The following KCNH8 variants were observed in gnomAD, a reference collection of about 807,000 sequenced individuals.
The protein encoded by KCNH8 is voltage-gated delayed rectifier potassium channel KCNH8.
A neutral mutation model predicts 103.6 loss-of-function variants in KCNH8; 70 were observed. The observed-to-expected ratio is 0.68, with a 90% CI of 0.56 to 0.82. The LOEUF is 0.82. Ranked by LOEUF, KCNH8 falls within the 40% of genes least tolerant of loss-of-function variation. The pLI, the probability that KCNH8 is intolerant of heterozygous loss-of-function variation, is 0.00. For missense variants in KCNH8, 1,217 were observed against 1,329.9 expected, an observed-to-expected ratio of 0.92 and a Z score of 1.32; for synonymous variants, 498 against 489.4, an observed-to-expected ratio of 1.02 and a Z score of -0.23.
chr3:19,518,311 C>A (rs764850879), intron 15 of KCNH8, among the ~76,000 whole-genome samples: 13 of 152,012 alleles, frequency 8.6e-5, no homozygotes, highest in Non-Finnish European at 1.8e-4. Context: ...TGCCTTATGG[C>A]CCCTTGTGAA....
At chr3:19,513,553 T>G (rs2068823854) in intron 13 of KCNH8, among the ~76,000 whole-genome samples, 1 of 152,146 alleles carries the variant, frequency 6.6e-6, no homozygotes, top group African/African-American at 2.4e-5. Context: ...GAAATCCTTC[T>G]TTACTCCTTT....
chr3:19,268,146 C>T (rs75849147), intron 2 of KCNH8, among the ~76,000 whole-genome samples: 2,219 of 152,204 alleles, frequency 0.015, 54 homozygotes, highest in African/African-American at 0.051. Flanking sequence ...AAACCTTGCC[C>T]TCCTGTACCT....
intron 1 of KCNH8, among the ~76,000 whole-genome samples, chr3:19,228,396 T>A (rs1199562265): frequency 6.6e-6 from 1 of 152,168 alleles, no homozygotes; most frequent in African/African-American, 2.4e-5. Flanking sequence ...GGGCTGTTCT[T>A]TTTTCACAAG....
At chr3:19,294,529 C>CT (rs2064970737) in intron 3 of KCNH8, among the ~76,000 whole-genome samples, 2 of 152,162 alleles carry the variant, frequency 1.3e-5, no homozygotes, top group East Asian at 3.8e-4. Flanking sequence ...TATACCAACT[C>CT]TTTGTCAGAT....
chr3:19,314,639 G>C (rs2065250490), intron 3 of KCNH8, among the ~76,000 whole-genome samples: 1 of 151,928 alleles, frequency 6.6e-6, no homozygotes, highest in African/African-American at 2.4e-5. Context: ...CGCTGCAGCA[G>C]GACAGCTGCC....
intron 2 of KCNH8, among the ~76,000 whole-genome samples, chr3:19,279,624 C>G (rs556945658): frequency 1.3e-5 from 2 of 150,600 alleles, no homozygotes; most frequent in African/African-American, 4.9e-5. Context: ...TGGGAGAATA[C>G]AGAGGAACGA....
Position 19,394,942 on chromosome 3 carries a change from A to G in KCNH8, c.970-162A>G, listed in dbSNP as rs17005915. ...CCTTTATTCCAGCCTCTTTAATTCT[A>G]TCACTTTCTGATATAATATGTCAAG... On this transcript the variant is annotated intron_variant, in intron 6 of 15. Coordinates refer to ENST00000328405, the MANE Select transcript of KCNH8 (RefSeq NM_144633.3). Among the ~76,000 whole-genome samples, 900 of 152,172 alleles carry G rather than the reference A, an allele frequency of 5.9e-3. 12 individuals are homozygous for G. The highest frequency in any genetic ancestry group is 0.02 in the African/African-American group (829 of 41,552).
At chr3:19,370,045 T>A (rs1029986819) in intron 5 of KCNH8, among the ~76,000 whole-genome samples, 8 of 152,086 alleles carry the variant, frequency 5.3e-5, no homozygotes, top group Non-Finnish European at 1.2e-4. Flanking sequence ...TGCTACTCTT[T>A]AACTTTAAAT....
At chr3:19,272,151 A>C (rs1416185653) in intron 2 of KCNH8, among the ~76,000 whole-genome samples, 2 of 152,072 alleles carry the variant, frequency 1.3e-5, no homozygotes, top group Non-Finnish European at 2.9e-5. Context: ...TAAAATTACC[A>C]GAAGAGAAAG....
intron 2 of KCNH8, among the ~76,000 whole-genome samples, chr3:19,275,062 C>T (rs2064648302): frequency 6.6e-6 from 1 of 151,314 alleles, no homozygotes; most frequent in Admixed American, 6.6e-5. Flanking sequence ...CAGTCTTGAA[C>T]TCTTTACATC....
intron 11 of KCNH8, among the ~76,000 whole-genome samples, chr3:19,471,698 A>G (rs2067859821): frequency 6.6e-6 from 1 of 152,246 alleles, no homozygotes; most frequent in South Asian, 2.1e-4. Flanking sequence ...AGAATCCTTT[A>G]GCAAGTAAGC....
At chr3:19,517,795 T>C (rs1334508237) in intron 14 of KCNH8, among the ~76,000 whole-genome samples, 2 of 152,016 alleles carry the variant, frequency 1.3e-5, no homozygotes, top group Admixed American at 6.6e-5. Flanking sequence ...ATCACCACCA[T>C]GATGTGTGTC....
At chr3:19,354,998 T>C (rs545827017) in intron 5 of KCNH8, among the ~76,000 whole-genome samples, 1 of 152,316 alleles carries the variant, frequency 6.6e-6, no homozygotes, top group African/African-American at 2.4e-5. Flanking sequence ...AAAGGGCTAA[T>C]ATCCAGAATC....
intron 2 of KCNH8, among the ~76,000 whole-genome samples, chr3:19,255,982 T>C (rs1054639254): frequency 2.0e-5 from 3 of 152,274 alleles, no homozygotes; most frequent in African/African-American, 4.8e-5. Flanking sequence ...ATTTCTGTCT[T>C]GTTTGAGTCA....
At chr3:19,312,939 G>A (rs2125298223) in intron 3 of KCNH8, among the ~76,000 whole-genome samples, 1 of 151,992 alleles carries the variant, frequency 6.6e-6, no homozygotes, top group East Asian at 1.9e-4. Flanking sequence ...TGTTGTTCTG[G>A]ATACCTATGA....
chr3:19,370,130 G>C (rs1338433753), intron 5 of KCNH8, among the ~76,000 whole-genome samples: 1 of 151,896 alleles, frequency 6.6e-6, no homozygotes, highest in Non-Finnish European at 1.5e-5. Flanking sequence ...GATATAGTTC[G>C]CTTGTTATCT....
At chr3:19,229,536 C>CT (rs1211571960) in intron 1 of KCNH8, among the ~76,000 whole-genome samples, 10 of 152,208 alleles carry the variant, frequency 6.6e-5, no homozygotes, top group Non-Finnish European at 2.9e-5. Context: ...TCAGCCACTG[C>CT]TGGATCAGCT....
chr3:19,449,156 C>G, intron 8 of KCNH8: 1 of 293,160 alleles, frequency 3.4e-6, no homozygotes, highest in Non-Finnish European at 7.2e-6. Flanking sequence ...CATATGCCCT[C>G]AAATTCTGGT....
intron 1 of KCNH8, among the ~76,000 whole-genome samples, chr3:19,222,966 T>G (rs2063891943): frequency 6.6e-6 from 1 of 152,188 alleles, no homozygotes; most frequent in South Asian, 2.1e-4. Context: ...AGAGCTCAGT[T>G]TCCTTATTTT....
Sources: gnomAD v4.1 joint callset for allele counts (sites outside exome capture counted in the v4.1 genomes callset) on GRCh38, gnomAD v4.1.1 for gene constraint, MANE v1.5 for transcripts, NCBI Gene and HGNC (gene_info 2026-07-23, HGNC 2026-07-21) for gene names.